The following SPIDR variants were observed in gnomAD, a reference collection of about 807,000 sequenced individuals.
The protein encoded by SPIDR is scaffold protein involved in DNA repair, also known as DNA repair-scaffolding protein.
In SPIDR, 93 loss-of-function variants were observed where a neutral mutation model predicts 104.6. That is an observed-to-expected ratio of 0.89 (90% CI 0.75 to 1.06). The LOEUF is 1.06. Ranked by LOEUF, SPIDR falls within the 50% of genes least tolerant of loss-of-function variation. The probability of loss-of-function intolerance (pLI) is 0.00; values close to 1 mark genes in which losing one functional copy is unlikely to be tolerated. For missense variants in SPIDR, 1,154 were observed against 1,111.2 expected (o/e 1.04, Z -0.55); for synonymous variants, 431 against 416.9 (o/e 1.03, Z -0.41).
At chr8:47,565,990 A>ATATATATATATATATATATATATATT (rs2057764475) in intron 8 of SPIDR, among the ~76,000 whole-genome samples, 1 of 29,352 alleles carries the variant, frequency 3.4e-5, no homozygotes, top group Non-Finnish European at 7.6e-5. Context: ...ATATATATAT[A>ATATATATATATATATATATATATATT]TATTTTTTTT....
chr8:47,615,477 T>A (rs1289417823), intron 10 of SPIDR, among the ~76,000 whole-genome samples: 1 of 149,908 alleles, frequency 6.7e-6, no homozygotes, highest in African/African-American at 2.5e-5. Flanking sequence ...ATAGCCTTTT[T>A]TTTTTTTTTT....
At chr8:47,660,725 C>T (rs1023288539) in intron 10 of SPIDR, among the ~76,000 whole-genome samples, 3 of 152,148 alleles carry the variant, frequency 2.0e-5, no homozygotes, top group Admixed American at 1.3e-4. Context: ...GTCATAAGGC[C>T]GCATCTATGT....
chr8:47,457,866 T>C (rs2073255371), intron 8 of SPIDR, among the ~76,000 whole-genome samples: 1 of 152,112 alleles, frequency 6.6e-6, no homozygotes. Context: ...TTCCCCACTT[T>C]ATGTTTTTGT....
intron 5 of SPIDR, among the ~76,000 whole-genome samples, chr8:47,357,564 C>T (rs2054807998): frequency 6.6e-6 from 1 of 152,160 alleles, no homozygotes; most frequent in Admixed American, 6.5e-5. Context: ...CATCGTTTTA[C>T]TCTGGTTATG....
chr8:47,674,555 G>A (rs920543934), intron 11 of SPIDR, among the ~76,000 whole-genome samples: 4 of 151,990 alleles, frequency 2.6e-5, no homozygotes, highest in African/African-American at 9.7e-5. Flanking sequence ...ACAGTGAATT[G>A]GGGGTTTTCT....
At chr8:47,421,748 C>A (rs1272781904) in intron 7 of SPIDR, among the ~76,000 whole-genome samples, 3 of 152,080 alleles carry the variant, frequency 2.0e-5, no homozygotes, top group African/African-American at 7.2e-5. Flanking sequence ...GTTTTATCTA[C>A]CTTTGGTCTT....
intron 6 of SPIDR, among the ~76,000 whole-genome samples, chr8:47,403,692 G>A (rs578216423): frequency 1.3e-5 from 2 of 152,024 alleles, no homozygotes; most frequent in Non-Finnish European, 2.9e-5. Flanking sequence ...ACTCCTCAAC[G>A]AAATAAAAGA....
chr8:47,321,712 A>G (rs1259500149), intron 5 of SPIDR, among the ~76,000 whole-genome samples: 1 of 152,212 alleles, frequency 6.6e-6, no homozygotes, highest in Non-Finnish European at 1.5e-5. Flanking sequence ...AGGCTGCAGT[A>G]ACCAAAACTG....
chr8:47,451,563 A>T (rs1299693157), intron 8 of SPIDR, among the ~76,000 whole-genome samples: 1 of 144,238 alleles, frequency 6.9e-6, no homozygotes, highest in African/African-American at 2.6e-5. Context: ...CCTAGGCGAC[A>T]TTGTGAAACC....
At chr8:47,553,439 G>A (rs543771232) in intron 8 of SPIDR, among the ~76,000 whole-genome samples, 13 of 152,236 alleles carry the variant, frequency 8.5e-5, no homozygotes, top group South Asian at 8.3e-4. Context: ...GGCATTGTTC[G>A]TTTCTTTTTA....
At chr8:47,674,091 T>A in intron 11 of SPIDR, 150 bp downstream of exon 11, 9 of 830,782 alleles carry the variant, frequency 1.1e-5, no homozygotes, top group South Asian at 2.2e-5. Context: ...TTGAGTGGAA[T>A]CTATAAAGTA....
chr8:47,647,671 AGAGAGG>A (rs2070775906), intron 10 of SPIDR, among the ~76,000 whole-genome samples: 1 of 149,572 alleles, frequency 6.7e-6, no homozygotes, highest in Admixed American at 6.7e-5. Context: ...AGAGAGAGGG[AGAGAGG>A]GAGAGAGAGA....
At chr8:47,735,104 G>A (rs2086016463) in intron 19 of SPIDR, among the ~76,000 whole-genome samples, 1 of 126,890 alleles carries the variant, frequency 7.9e-6, no homozygotes, top group African/African-American at 3.7e-5. Flanking sequence ...GGGTGTGTGT[G>A]TGTGTGGGTG....
At chr8:47,496,704 A>C (rs2079498799) in intron 8 of SPIDR, among the ~76,000 whole-genome samples, 1 of 147,576 alleles carries the variant, frequency 6.8e-6, no homozygotes, top group Non-Finnish European at 1.5e-5. Context: ...ACCTCATAGA[A>C]TGAATTCCCT....
chr8:47,287,551 C>G (rs1012020463), intron 3 of SPIDR, among the ~76,000 whole-genome samples: 4 of 152,118 alleles, frequency 2.6e-5, no homozygotes, highest in Non-Finnish European at 5.9e-5. Context: ...AGACCTCCCC[C>G]CAGGAATGCA....
chr8:47,512,324 T>A (rs1285196414), intron 8 of SPIDR, among the ~76,000 whole-genome samples: 1 of 152,182 alleles, frequency 6.6e-6, no homozygotes, highest in Non-Finnish European at 1.5e-5. Flanking sequence ...TCACCCTGTC[T>A]ACACACTGTT....
chr8:47,590,420 C>G (rs1389755507), intron 8 of SPIDR, among the ~76,000 whole-genome samples: 1 of 152,088 alleles, frequency 6.6e-6, no homozygotes, highest in Non-Finnish European at 1.5e-5. Flanking sequence ...GAGACTTCCT[C>G]TTTGACCCTT....
At chr8:47,417,881 A>G (rs1363730029) in intron 7 of SPIDR, among the ~76,000 whole-genome samples, 2 of 151,150 alleles carry the variant, frequency 1.3e-5, no homozygotes, top group East Asian at 3.9e-4. Flanking sequence ...TAAATAGGGA[A>G]TCCTTTCCCC....
chr8:47,551,012 A>G (rs998437272), intron 8 of SPIDR, among the ~76,000 whole-genome samples: 1 of 152,222 alleles, frequency 6.6e-6, no homozygotes, highest in South Asian at 2.1e-4. Flanking sequence ...CCTTTTCTGC[A>G]TCTATTGAGA....
Sources: allele counts gnomAD v4.1 joint callset (sites outside exome capture counted in the v4.1 genomes callset), GRCh38; gene constraint gnomAD v4.1.1; transcripts MANE v1.5; gene names NCBI Gene and HGNC (gene_info 2026-07-23, HGNC 2026-07-21).